The following ZFHX3 variants were observed in gnomAD, a reference collection of about 807,000 sequenced individuals.
The protein encoded by ZFHX3 is zinc finger homeobox 3.
A neutral mutation model predicts 279.1 loss-of-function variants in ZFHX3; 42 were observed. The observed-to-expected ratio is 0.15, with a 90% confidence interval of 0.12 to 0.19. ZFHX3 has a LOEUF of 0.19. Among genes scored for constraint, ZFHX3 ranks in the 10% least tolerant of loss-of-function variants. The probability of loss-of-function intolerance (pLI) is 1.00; values close to 1 mark genes in which losing one functional copy is unlikely to be tolerated. For missense variants in ZFHX3, 4,981 were observed against 4,754.0 expected, an observed-to-expected ratio of 1.05 and a Z score of -1.40; for synonymous variants, 2,293 against 1,957.8, an observed-to-expected ratio of 1.17 and a Z score of -4.52.
At chr16:73,452,092 A>G (rs2143560937) in intron 3 of ZFHX3, among the ~76,000 whole-genome samples, 1 of 152,338 alleles carries the variant, frequency 6.6e-6, no homozygotes, top group South Asian at 2.1e-4. Flanking sequence ...GAGAGGCAGA[A>G]AAAGGAGACT....
intron 7 of ZFHX3, among the ~76,000 whole-genome samples, chr16:73,105,432 TACACACACACACATATATATATATA>T (rs1567389904): frequency 9.1e-4 from 106 of 117,068 alleles, no homozygotes; most frequent in African/African-American, 3.3e-3. Context: ...TATATATATA[TACACACACACACATATATATATATA>T]TTTTTTCCCC....
intron 2 of ZFHX3, among the ~76,000 whole-genome samples, chr16:73,589,690 A>G (rs1479552990): frequency 7.8e-6 from 1 of 128,866 alleles, no homozygotes; most frequent in African/African-American, 2.9e-5. Flanking sequence ...AGATCGCACC[A>G]CTGCACTCCA....
intron 2 of ZFHX3, among the ~76,000 whole-genome samples, chr16:73,635,605 C>G (rs540015642): frequency 2.0e-5 from 3 of 152,130 alleles, no homozygotes; most frequent in African/African-American, 7.2e-5. Context: ...CCTTTCAAAG[C>G]TAACCTCTCA....
intron 1 of ZFHX3, among the ~76,000 whole-genome samples, chr16:73,039,208 T>A (rs1328448937): frequency 6.6e-6 from 1 of 151,836 alleles, no homozygotes; most frequent in African/African-American, 2.4e-5. Flanking sequence ...TCCGCCTGCC[T>A]CTGCCTCCCA....
At chr16:73,811,645 C>A (rs975960757) in intron 1 of ZFHX3, among the ~76,000 whole-genome samples, 1 of 152,012 alleles carries the variant, frequency 6.6e-6, no homozygotes, top group African/African-American at 2.4e-5. Context: ...TGGGGTTTCA[C>A]CATGTTGGCC....
At chr16:73,745,098 T>C (rs1006859807) in intron 1 of ZFHX3, among the ~76,000 whole-genome samples, 3 of 152,200 alleles carry the variant, frequency 2.0e-5, no homozygotes, top group African/African-American at 7.2e-5. Flanking sequence ...AAAGCAATAA[T>C]GTCCATACCA....
chr16:73,502,814 C>T (rs945857184), intron 2 of ZFHX3, among the ~76,000 whole-genome samples: 7 of 152,210 alleles, frequency 4.6e-5, no homozygotes, highest in South Asian at 2.1e-4. Context: ...TCTTTCTGAT[C>T]CCTAGCTGTG....
At chr16:73,618,561 G>T (rs980831602) in intron 2 of ZFHX3, among the ~76,000 whole-genome samples, 14 of 152,146 alleles carry the variant, frequency 9.2e-5, no homozygotes, top group African/African-American at 3.4e-4. Context: ...ATCACCTTAT[G>T]GAGAGATAAA....
At chr16:73,864,130 C>T (rs751780745) in intron 1 of ZFHX3, among the ~76,000 whole-genome samples, 29 of 152,178 alleles carry the variant, frequency 1.9e-4, no homozygotes, top group Non-Finnish European at 3.4e-4. Flanking sequence ...GGCATGTTTA[C>T]AATCCATTGC....
chr16:73,001,749 G>A (rs148873254), intron 1 of ZFHX3, among the ~76,000 whole-genome samples: 1 of 151,866 alleles, frequency 6.6e-6, no homozygotes, highest in South Asian at 2.1e-4. Context: ...GAGCCCGGGA[G>A]GTCAAGGCTG....
intron 5 of ZFHX3, among the ~76,000 whole-genome samples, chr16:73,221,017 C>T (rs1010448906): frequency 5.3e-5 from 8 of 151,984 alleles, no homozygotes; most frequent in Non-Finnish European, 1.2e-4. Flanking sequence ...TTATCAAGGG[C>T]AAAGGAATCC....
At chr16:73,013,794 C>T (rs2030232839) in intron 1 of ZFHX3, among the ~76,000 whole-genome samples, 1 of 152,048 alleles carries the variant, frequency 6.6e-6, no homozygotes, top group South Asian at 2.1e-4. Context: ...TAGCTTTGCC[C>T]TCCTGAGCCA....
intron 1 of ZFHX3, among the ~76,000 whole-genome samples, chr16:73,832,210 T>C (rs543005411): frequency 3.9e-5 from 6 of 152,148 alleles, no homozygotes; most frequent in Admixed American, 1.3e-4. Context: ...ATATGCTTTT[T>C]TTTTTTTCTT....
chr16:73,858,034 T>C (rs1402276728), intron 1 of ZFHX3, among the ~76,000 whole-genome samples: 1 of 151,050 alleles, frequency 6.6e-6, no homozygotes, highest in African/African-American at 2.4e-5. Context: ...AGGTGGAGGT[T>C]GCAGTGAGCT....
At chr16:72,875,772 G>T (rs546946960) in intron 4 of ZFHX3, among the ~76,000 whole-genome samples, 14 of 152,340 alleles carry the variant, frequency 9.2e-5, no homozygotes, top group African/African-American at 3.4e-4. Flanking sequence ...CAAATTTCAA[G>T]CCTTTGTAAG....
intron 7 of ZFHX3, among the ~76,000 whole-genome samples, chr16:72,805,103 G>T (rs553683144): frequency 6.6e-6 from 1 of 151,908 alleles, no homozygotes. Context: ...TCAGCCTCCC[G>T]AGTAGCTGGG....
At chr16:73,770,754 C>T (rs1198755323) in intron 1 of ZFHX3, among the ~76,000 whole-genome samples, 1 of 152,210 alleles carries the variant, frequency 6.6e-6, no homozygotes, top group Non-Finnish European at 1.5e-5. Flanking sequence ...AAAGTAGGAA[C>T]ATTCTGCTTT....
intron 3 of ZFHX3, among the ~76,000 whole-genome samples, chr16:73,338,958 C>T (rs749447065): frequency 5.3e-5 from 8 of 152,164 alleles, no homozygotes; most frequent in Admixed American, 6.5e-5. Flanking sequence ...GCCTTCGCCA[C>T]GTGATGTGTC....
chr16:73,690,432 A>G (rs2053137641), intron 1 of ZFHX3, among the ~76,000 whole-genome samples: 1 of 152,132 alleles, frequency 6.6e-6, no homozygotes, highest in African/African-American at 2.4e-5. Context: ...TGAGCTGCAC[A>G]CTCCTCAAAA....
Sources: gnomAD v4.1 joint callset for allele counts (sites outside exome capture counted in the v4.1 genomes callset) on GRCh38, gnomAD v4.1.1 for gene constraint, MANE v1.5 for transcripts, NCBI Gene and HGNC (gene_info 2026-07-23, HGNC 2026-07-21) for gene names.